UNC79: variants seen among roughly 807,000 people sequenced by gnomAD.
UNC79 encodes the protein unc-79 subunit of NALCN channel complex.
UNC79 carries 37 observed loss-of-function variants against 283.1 expected under a neutral mutation model. The ratio of observed to expected loss-of-function variants is 0.13; its 90% CI spans 0.10 to 0.17. The LOEUF is 0.17. Ranked by LOEUF, UNC79 falls within the 10% of genes least tolerant of loss-of-function variation. UNC79 has a pLI of 1.00. For synonymous variants in UNC79, 1,107 were observed against 1,200.2 expected, an observed-to-expected ratio of 0.92 and a Z score of 1.61; for missense variants, 2,272 against 3,211.1, an observed-to-expected ratio of 0.71 and a Z score of 7.07.
chr14:93,551,985 T>C (rs1177035508), intron 14 of UNC79, among the ~76,000 whole-genome samples: 1 of 152,220 alleles, frequency 6.6e-6, no homozygotes, highest in Non-Finnish European at 1.5e-5. Flanking sequence ...TGGGATGGTA[T>C]GGGTTGGAAT....
At position 93,388,266 on chromosome 14, in the gene UNC79, C is replaced by G. The variant is rs761163029; in HGVS notation, c.-351+54743C>G. On this transcript the variant is annotated intron_variant, in intron 1 of 49. Transcript: ENST00000256339. ...AGGTGGGACTACAGGCACATACCAC[C>G]ACACCCGACTATAAAAGTTAATATT... Among the ~76,000 whole-genome samples, 3 of 152,126 alleles carry G rather than the reference C, an allele frequency of 2.0e-5. No homozygotes were observed. The East Asian group carries it at 5.8e-4, about 29-fold the overall frequency.
chr14:93,635,452 G>A (rs780497439), intron 31 of UNC79, among the ~76,000 whole-genome samples: 6 of 152,192 alleles, frequency 3.9e-5, no homozygotes, highest in East Asian at 1.9e-4. Context: ...CCCTTGAATC[G>A]GACTCTTTTA....
At chr14:93,445,712 C>G (rs2056440353) in intron 1 of UNC79, among the ~76,000 whole-genome samples, 1 of 152,116 alleles carries the variant, frequency 6.6e-6, no homozygotes, top group Admixed American at 6.5e-5. Context: ...TTGATAAATT[C>G]ACCATTGAAG....
At chr14:93,477,886 A>G (rs963874457) in intron 4 of UNC79, among the ~76,000 whole-genome samples, 158 bp downstream of exon 4, 1 of 152,234 alleles carries the variant, frequency 6.6e-6, no homozygotes, top group Non-Finnish European at 1.5e-5. Context: ...CATGGATATT[A>G]TGGCGAAAGT....
At chr14:93,564,291 G>A (rs1312740296) in intron 14 of UNC79, among the ~76,000 whole-genome samples, 1 of 152,194 alleles carries the variant, frequency 6.6e-6, no homozygotes, top group Non-Finnish European at 1.5e-5. Flanking sequence ...GGTTTTGTTA[G>A]GATGGCAAAA....
chr14:93,556,089 C>T (rs747303036), intron 14 of UNC79, among the ~76,000 whole-genome samples: 1 of 152,146 alleles, frequency 6.6e-6, no homozygotes, highest in Non-Finnish European at 1.5e-5. Context: ...ACACCAAATA[C>T]TGGGTCCCCG....
chr14:93,560,466 G>A (rs1160762499), intron 14 of UNC79, among the ~76,000 whole-genome samples: 1 of 152,210 alleles, frequency 6.6e-6, no homozygotes, highest in Non-Finnish European at 1.5e-5. Context: ...TCTCTGTGAT[G>A]CTAGCAGAGA....
intron 4 of UNC79, among the ~76,000 whole-genome samples, chr14:93,483,656 A>G (rs373584900): frequency 6.6e-6 from 1 of 151,224 alleles, no homozygotes; most frequent in African/African-American, 2.4e-5. Flanking sequence ...TACATTAGGT[A>G]TATCACCTAA....
intron 1 of UNC79, among the ~76,000 whole-genome samples, chr14:93,343,474 T>C (rs1263127187): frequency 2.6e-5 from 4 of 152,232 alleles, no homozygotes; most frequent in African/African-American, 9.7e-5. Flanking sequence ...TCATTGAGGT[T>C]GTGCAATTGT....
intron 14 of UNC79, among the ~76,000 whole-genome samples, chr14:93,562,908 G>T (rs1451733975): frequency 6.6e-6 from 1 of 152,166 alleles, no homozygotes; most frequent in Non-Finnish European, 1.5e-5. Context: ...CGAGCTTGAT[G>T]TGAAGGGAAG....
chr14:93,499,967 T>C (rs2059202272), intron 7 of UNC79, among the ~76,000 whole-genome samples: 1 of 152,038 alleles, frequency 6.6e-6, no homozygotes, highest in Admixed American at 6.6e-5. Flanking sequence ...AAAAGTCCAA[T>C]GTAGCCAGAC....
chr14:93,633,965 C>A (rs1328715344), intron 31 of UNC79, among the ~76,000 whole-genome samples: 1 of 152,050 alleles, frequency 6.6e-6, no homozygotes, highest in Non-Finnish European at 1.5e-5. Context: ...GGTTTTAGGA[C>A]CACCTCAGTT....
intron 4 of UNC79, among the ~76,000 whole-genome samples, chr14:93,479,071 C>T (rs1379601378): frequency 1.3e-5 from 2 of 152,122 alleles, no homozygotes; most frequent in Non-Finnish European, 2.9e-5. Context: ...TTCTTGATAT[C>T]GTTTTAGAAT....
At chr14:93,577,426 C>G (rs974606265) in intron 17 of UNC79, among the ~76,000 whole-genome samples, 3 of 152,106 alleles carry the variant, frequency 2.0e-5, no homozygotes, top group African/African-American at 7.2e-5. Flanking sequence ...ATTGTAATCC[C>G]CAGAGACCAT....
chr14:93,505,501 G>T (rs1259583155), intron 7 of UNC79, among the ~76,000 whole-genome samples: 1 of 151,858 alleles, frequency 6.6e-6, no homozygotes, highest in Non-Finnish European at 1.5e-5. Flanking sequence ...TGTTTGCATG[G>T]TATAACTTTT....
chr14:93,565,000 G>A (rs139988646), intron 14 of UNC79, among the ~76,000 whole-genome samples: 14 of 152,288 alleles, frequency 9.2e-5, no homozygotes, highest in African/African-American at 3.1e-4. Flanking sequence ...TATAAGAGGC[G>A]TGCCTACGGG....
intron 35 of UNC79, among the ~76,000 whole-genome samples, chr14:93,650,265 G>T (rs2070103849): frequency 6.6e-6 from 1 of 152,090 alleles, no homozygotes; most frequent in Non-Finnish European, 1.5e-5. Flanking sequence ...GATCTATTGT[G>T]AACATTCTTA....
chr14:93,597,478 A>G (rs1369805366), exon 24 of UNC79: 2 of 1,614,026 alleles, frequency 1.2e-6, no homozygotes, highest in Non-Finnish European at 1.7e-6. Flanking sequence ...GGAGGATGTC[A>G]ACCCCGCAGT....
rs537516078 is a variant in UNC79 at position 93,617,725 on chromosome 14, A to T, written c.4224+421A>T. Among the ~76,000 whole-genome samples, 83 of 152,252 alleles carry T rather than the reference A, an allele frequency of 5.5e-4. No homozygotes were observed. Among genetic ancestry groups the T allele is most frequent in the South Asian group, 1.2e-3 (6 of 4,826 alleles). On this transcript the variant is annotated intron_variant, in intron 28 of 48. Coordinates refer to ENST00000555664, the Ensembl canonical transcript of UNC79. This position sits in a 1 kb window ranked among gnomAD's most constrained non-coding sequence, Gnocchi z 4.5. ...CTGTCAGTGGTTTGGTGAAGGAGGA[A>T]ATGAATATGGTCCCTTGTAAAAATA...
Sources: allele counts gnomAD v4.1 joint callset (sites outside exome capture counted in the v4.1 genomes callset), GRCh38; gene constraint gnomAD v4.1.1; non-coding constraint Gnocchi (gnomAD v3.1); transcripts MANE v1.5; gene names NCBI Gene and HGNC (gene_info 2026-07-23, HGNC 2026-07-21).